Variants in DDX39B observed in about 807,000 individuals in gnomAD.
DDX39B encodes the protein DExD-box helicase 39B.
Under a neutral mutation model 46.4 loss-of-function variants are expected in DDX39B, and 6 were observed. That is an observed-to-expected ratio of 0.13 (90% CI 0.07 to 0.26). The LOEUF (loss-of-function observed/expected upper bound fraction) is 0.26. DDX39B is among the 10% of genes least tolerant of loss of function. The pLI is 1.00. For synonymous variants in DDX39B, 174 were observed against 199.4 expected, an observed-to-expected ratio of 0.87 and a Z score of 1.07; for missense variants, 185 against 553.4, an observed-to-expected ratio of 0.33 and a Z score of 6.68.
chr6:31,538,921 G>A, intron 3 of DDX39B, 66 bp from the exon 4 acceptor site: 1 of 1,547,652 alleles, frequency 6.5e-7, no homozygotes, highest in Non-Finnish European at 8.9e-7. Flanking sequence ...CTAGGGAAGT[G>A]ACTGTCACAA....
At chr6:31,536,362 CA>C (rs765504566) in intron 5 of DDX39B, 137 bp downstream of exon 5, 11 of 1,243,478 alleles carry the variant, frequency 8.8e-6, no homozygotes, top group Non-Finnish European at 1.3e-5. Context: ...AAAGACCAAC[CA>C]GGGAACCCAG....
chr6:31,532,727 T>A, intron 7 of DDX39B, 53 bp downstream of exon 7: 1 of 1,594,286 alleles, frequency 6.3e-7, no homozygotes. Context: ...TCCAGGTTTC[T>A]GCTACAGCTG....
Position 31,535,193 on chromosome 6 carries a change from C to A in DDX39B, c.735+174G>T. On this transcript the variant is annotated intron_variant, in intron 6 of 10. Coordinates refer to ENST00000396172, the MANE Select transcript of DDX39B (RefSeq NM_004640.7). This position sits in a 1 kb window ranked among gnomAD's most constrained non-coding sequence, Gnocchi z 4.6. ...GGAGTTTCCCTGGCACCCGCGCAGG[C>A]CCTAACACTAGCTGTCTCTGCTTCT... is the stretch of plus-strand genomic sequence containing the variant. 1.5e-6 allele frequency: 1 copy of A among 686,102 alleles called. No individual in the cohort carries two copies. The highest frequency in any genetic ancestry group is 1.7e-5 in the South Asian group (1 of 59,884). The allele number at this position is 686,102 out of a possible 1,614,324, so 42.5% of individuals were successfully genotyped here.
At chr6:31,533,261 G>A (rs1370884116) in intron 6 of DDX39B, 17 of 259,344 alleles carry the variant, frequency 6.6e-5, no homozygotes, top group Non-Finnish European at 1.2e-4. Context: ...ATTCTCAAAG[G>A]GAGAGCAAGG....
intron 1 of DDX39B, 134 bp from the exon 2 acceptor site, chr6:31,540,798 A>T (rs1768326632): frequency 1.8e-6 from 1 of 544,926 alleles, no homozygotes; most frequent in Non-Finnish European, 3.3e-6. Flanking sequence ...AAAACATAAA[A>T]ACGAAAAGCA....
At position 31,540,650 on chromosome 6, in the gene DDX39B, T is replaced by C. The variant is rs1473399395; in HGVS notation, c.-118A>G. 8 of 928,178 alleles carry C rather than the reference T, an allele frequency of 8.6e-6. No individual in the cohort carries two copies. The highest frequency in any genetic ancestry group is 1.3e-5 in the Non-Finnish European group (8 of 621,342). The allele number at this position is 928,178 out of a possible 1,614,324, so 57.5% of individuals were successfully genotyped here. A position where few individuals can be genotyped will look rare whatever the true frequency, so the allele number is the denominator to read the frequency against. Reference sequence around the variant, plus strand: ...ACAGCAAAGGAAAACAAAGATACTATTTCTAACAGAAGAGCTGGAGGGGGG... The same window carrying C: ...ACAGCAAAGGAAAACAAAGATACTACTTCTAACAGAAGAGCTGGAGGGGGG... On this transcript the variant is annotated 5_prime_UTR_variant, in exon 2 of 11. Transcript: ENST00000396172.
At position 31,538,792 on chromosome 6, in the gene DDX39B, G is replaced by A; in HGVS notation, c.403C>T (p.Arg135Cys). ...ACATTGGGCATGTATTTAGAGAAGC[G>A]CTCATATTCCTTGCTGATCTGAAAA... ...LAFQISKEYE[R>C]FSKYMPNVKV... The change falls in exon 4 of 11, where the codon CGC (arginine) becomes TGC (cysteine). Residue 135 changes from arginine to cysteine, a missense_variant. Physicochemically the swap from Arg to Cys is radical, Grantham distance 180 (BLOSUM62 -3). This residue lies in a region of DDX39B where 110 missense variants were observed against 282.2 expected (regional missense o/e 0.39). Coordinates refer to ENST00000396172, the MANE Select transcript of DDX39B (RefSeq NM_004640.7). 1 of 1,613,932 alleles carries A rather than the reference G, an allele frequency of 6.2e-7. No homozygotes were observed. Among genetic ancestry groups the A allele is most frequent in the Non-Finnish European group, 8.5e-7 (1 of 1,179,966 alleles).
At chr6:31,536,751 A>C in intron 4 of DDX39B, 68 bp from the exon 5 acceptor site, 1 of 1,557,224 alleles carries the variant, frequency 6.4e-7, no homozygotes, top group Non-Finnish European at 8.7e-7. Flanking sequence ...CAGGGTTCCC[A>C]CTCTGTTTGA....
chr6:31,539,083 C>CA, intron 3 of DDX39B, 64 bp downstream of exon 3: 4 of 1,613,466 alleles, frequency 2.5e-6, no homozygotes, highest in Non-Finnish European at 3.4e-6. Context: ...GTAGCTAGGA[C>CA]AAAAACACCC....
At position 31,531,642 on chromosome 6, in the gene DDX39B, T is replaced by C. The variant is rs1767178503; in HGVS notation, c.868-237A>G. ...GTAGCACAGAGTTCAGAAATCAAAA[T>C]TGCCAGACATGCTAGGAGATGAGGA... On this transcript the variant is annotated intron_variant, in intron 7 of 10. Coordinates refer to ENST00000396172, the MANE Select transcript of DDX39B (RefSeq NM_004640.7). This position sits in a 1 kb window ranked among gnomAD's most constrained non-coding sequence, Gnocchi z 5.8. The C allele has an allele frequency of 5.7e-6, 3 of 524,028 alleles. No individual in the cohort carries two copies. The highest frequency in any genetic ancestry group is 1.9e-5 in the African/African-American group (1 of 52,240). 32.5% of individuals were successfully genotyped at this position (524,028 alleles called of 1,614,324 possible). A position where few individuals can be genotyped will look rare whatever the true frequency, so the allele number is the denominator to read the frequency against.
Position 31,531,718 on chromosome 6 carries a change from G to T in DDX39B, c.868-313C>A. ...AAAAAACTAGAATTAAGATCTGGAG[G>T]GGTAACTGATATTCCTGCTCACCAA... On this transcript the variant is annotated intron_variant, in intron 7 of 10. Transcript: ENST00000396172. This position sits in a 1 kb window ranked among gnomAD's most constrained non-coding sequence, Gnocchi z 5.8. The T allele has an allele frequency of 2.7e-6, 1 of 372,010 alleles. No homozygotes were observed. The highest frequency in any genetic ancestry group is 4.9e-6 in the Non-Finnish European group (1 of 205,692). The allele number at this position is 372,010 out of a possible 1,614,324, so 23.0% of individuals were successfully genotyped here.
intron 1 of DDX39B, 192 bp from the exon 2 acceptor site, chr6:31,540,856 G>A: frequency 2.2e-6 from 1 of 457,468 alleles, no homozygotes; most frequent in Non-Finnish European, 4.0e-6. Context: ...GGTTAGGACA[G>A]AGGTTCCCAA....
Position 31,530,629 on chromosome 6 carries a change from A to G in DDX39B, c.1270+150T>C. 1 of 1,331,072 alleles carries G rather than the reference A, an allele frequency of 7.5e-7. No individual in the cohort carries two copies. The highest frequency in any genetic ancestry group is 1.0e-6 in the Non-Finnish European group (1 of 961,536). The allele number at this position is 1,331,072 out of a possible 1,614,324, so 82.5% of individuals were successfully genotyped here. A position where few individuals can be genotyped will look rare whatever the true frequency, so the allele number is the denominator to read the frequency against. On this transcript the variant is annotated intron_variant, in intron 10 of 10. Transcript: ENST00000396172. This position sits in a 1 kb window ranked among gnomAD's most constrained non-coding sequence, Gnocchi z 4.5. ...AGACACCCCACATAAAGGTCAGAAA[A>G]ACATCCCAACACAGCATCAAAGACC...
intron 2 of DDX39B, among the ~76,000 whole-genome samples, chr6:31,540,070 A>T (rs1305566494): frequency 6.6e-6 from 1 of 152,122 alleles, no homozygotes; most frequent in Non-Finnish European, 1.5e-5. Flanking sequence ...TCACCTGCTT[A>T]ATTTCTGAAC....
In DDX39B at chr6:31,531,125, G is replaced by C. The variant is rs761990213; in HGVS notation, c.1050C>G (p.Gly350=). 2 of 1,614,166 alleles carry C rather than the reference G, an allele frequency of 1.2e-6. No individual in the cohort carries two copies. The highest frequency in any genetic ancestry group is 4.5e-5 in the East Asian group (2 of 44,890). The change falls in exon 9 of 11, where the codon GGC becomes GGG. Residue 350 remains glycine, a synonymous_variant. Coordinates refer to ENST00000396172, the MANE Select transcript of DDX39B (RefSeq NM_004640.7). The surrounding 1 kb of genome is among the most constrained non-coding windows in gnomAD (Gnocchi z 5.8). ...CAATGTTCACCCGCTCGATGTCCAT[G>C]CCTCGGCCAAATAGGTTGGTAGCCA... ...ILVATNLFGR[G]MDIERVNIAF... is the part of the protein sequence containing the mutation.
At position 31,532,644 on chromosome 6, in the gene DDX39B, C is replaced by T. The variant is rs1767301454; in HGVS notation, c.867+136G>A. ...CTCCCACCTTACTCATGCTCAGCCC[C>T]TAAGATATTTATACCCTCATTATTC... On this transcript the variant is annotated intron_variant, in intron 7 of 10. Transcript: ENST00000396172. 3.4e-6 allele frequency: 4 copies of T among 1,188,522 alleles called. No homozygotes were observed. In the South Asian group the frequency reaches 6.0e-5, roughly 18 times the overall value. 73.6% of individuals were successfully genotyped at this position (1,188,522 alleles called of 1,614,324 possible).
At chr6:31,538,108 A>G (rs1767991414) in intron 4 of DDX39B, among the ~76,000 whole-genome samples, 1 of 152,180 alleles carries the variant, frequency 6.6e-6, no homozygotes, top group African/African-American at 2.4e-5. Flanking sequence ...CAGGAGATAC[A>G]GTATCACCTA....
At chr6:31,532,507 T>C (rs908724457) in intron 7 of DDX39B, 7 of 331,466 alleles carry the variant, frequency 2.1e-5, no homozygotes, top group Admixed American at 4.3e-5. Flanking sequence ...CCCCAAGTGC[T>C]GGGATTACAC....
At position 31,531,662 on chromosome 6, in the gene DDX39B, TGAG is replaced by T; in HGVS notation, c.868-260_868-258del. On this transcript the variant is annotated intron_variant, in intron 7 of 10. Coordinates refer to ENST00000396172, the MANE Select transcript of DDX39B (RefSeq NM_004640.7). The surrounding 1 kb of genome is among the most constrained non-coding windows in gnomAD (Gnocchi z 5.8). The stretch of plus-strand genomic sequence containing the variant: ...CAAAATTGCCAGACATGCTAGGAGA[TGAG>T]GATGAGATCACCTCATGAAAAAGTG... 2.0e-6 allele frequency: 1 copy of T among 511,460 alleles called. No individual in the cohort carries two copies. Among genetic ancestry groups the T allele is most frequent in the East Asian group, 3.2e-5 (1 of 31,602 alleles). 31.7% of individuals were successfully genotyped at this position (511,460 alleles called of 1,614,324 possible).
Sources: allele counts gnomAD v4.1 joint callset (sites outside exome capture counted in the v4.1 genomes callset), GRCh38; gene constraint gnomAD v4.1.1; regional missense constraint gnomAD v4.1.1; non-coding constraint Gnocchi (gnomAD v3.1); transcripts MANE v1.5; gene names NCBI Gene and HGNC (gene_info 2026-07-23, HGNC 2026-07-21).